SETD1B: variants seen among roughly 807,000 people sequenced by gnomAD.
The protein encoded by SETD1B is histone-lysine N-methyltransferase SETD1B.
Under a neutral mutation model 148.0 loss-of-function variants are expected in SETD1B, and 7 were observed. That is an observed-to-expected ratio of 0.05 (90% CI 0.03 to 0.09). The LOEUF (loss-of-function observed/expected upper bound fraction) is 0.09, where lower values mean the gene tolerates loss of function less well. SETD1B is among the 10% of genes least tolerant of loss of function. SETD1B has a pLI of 1.00. For missense variants in SETD1B, 2,155 were observed against 2,729.9 expected (o/e 0.79, Z 4.69); for synonymous variants, 1,361 against 1,186.5 (o/e 1.15, Z -3.02).
chr12:121,798,334 A>C, the SETD1B span, among the ~76,000 whole-genome samples: 2 of 152,244 alleles, frequency 1.3e-5, no homozygotes, highest in Admixed American at 6.5e-5. Context: ...CCGCCTTCCC[A>C]GGGAGCGCCA....
In SETD1B at chr12:121,808,881, AT is replaced by A. The variant is rs1945045141; in HGVS notation, c.657+568del. 6.6e-6 allele frequency among the ~76,000 whole-genome samples: 1 copy of A among 151,522 alleles called. No individual in the cohort carries two copies. The highest frequency in any genetic ancestry group is 1.5e-5 in the Non-Finnish European group (1 of 67,858). On this transcript the variant is annotated intron_variant, in intron 5 of 16. Coordinates refer to ENST00000604567, the MANE Select transcript of SETD1B (RefSeq NM_001353345.2). This position sits in a 1 kb window ranked among gnomAD's most constrained non-coding sequence, Gnocchi z 5.3. ...TCATCACTTTTTTTTTGTTTTATTT[AT>A]TTTTTTGAGACAGAGTCTCAGTCTG...
chr12:121,811,034 A>G (rs545853441), intron 6 of SETD1B, among the ~76,000 whole-genome samples, 199 bp downstream of exon 6: 8 of 152,340 alleles, frequency 5.3e-5, no homozygotes, highest in South Asian at 2.1e-4. Context: ...TGGTTTGGCA[A>G]TGAGCTCCCT....
chr12:121,814,776 A>G lies in SETD1B; in HGVS notation c.2561A>G (p.Glu854Gly). 5.2e-6 allele frequency: 8 copies of G among 1,551,488 alleles called. No homozygotes were observed. Among genetic ancestry groups the G allele is most frequent in the Non-Finnish European group, 7.0e-6 (8 of 1,146,994 alleles). ...VPPPGYMPRQ[E>G]DPHKATVDGV... ...CCACCAGGCTACATGCCACGCCAGG[A>G]GGACCCACACAAAGCCACGGTGGAT... The change falls in exon 7 of 17, where the codon GAG becomes GGG. Residue 854 changes from glutamate to glycine, a missense_variant. By Grantham distance (98) the Glu-to-Gly change is moderately conservative. This residue lies in a region of SETD1B where 289 missense variants were observed against 423.7 expected (regional missense o/e 0.68). Transcript: ENST00000604567.
At chr12:121,807,663 G>A (rs1026127393) in intron 4 of SETD1B, among the ~76,000 whole-genome samples, 5 of 152,042 alleles carry the variant, frequency 3.3e-5, no homozygotes, top group African/African-American at 1.2e-4. Context: ...GGGGTGGAGG[G>A]TTCAAGCCCA....
chr12:121,815,320 C>T (rs1008760628), intron 7 of SETD1B, among the ~76,000 whole-genome samples: 10 of 152,136 alleles, frequency 6.6e-5, no homozygotes, highest in Admixed American at 5.2e-4. Flanking sequence ...TAAAACTCCT[C>T]CTTTGTACAT....
chr12:121,814,254 C>A lies in SETD1B; in HGVS notation c.2039C>A (p.Pro680Gln). The A allele has an allele frequency of 2.7e-6, 4 of 1,496,018 alleles. No homozygotes were observed. Among genetic ancestry groups the A allele is most frequent in the Non-Finnish European group, 3.6e-6 (4 of 1,123,002 alleles). 92.7% of individuals were successfully genotyped at this position (1,496,018 alleles called of 1,614,324 possible). ...AAPSVLAPTLPLPPPPGFPPL... is the reference protein window; with the variant it reads ...AAPSVLAPTLQLPPPPGFPPL... ...CCTTCTGTGCTAGCCCCAACCCTGC[C>A]GCTGCCCCCGCCACCTGGCTTCCCC... The change falls in exon 7 of 17, where the codon CCG becomes CAG. Residue 680 changes from proline (P) to glutamine (Q), a missense_variant. Pro to Gln is a moderately conservative substitution (Grantham distance 76). This residue lies in a region of SETD1B where 295 missense variants were observed against 303.8 expected (regional missense o/e 0.97). Coordinates refer to ENST00000604567, the MANE Select transcript of SETD1B (RefSeq NM_001353345.2).
At chr12:121,803,017 C>CTGATTGG (rs1875471914), upstream of SETD1B, 1 of 152,068 alleles carries the variant, frequency 6.6e-6, no homozygotes, top group African/African-American at 2.4e-5. The surrounding 1 kb of genome is among the most constrained non-coding windows in gnomAD (Gnocchi z 4.7). Context: ...GCTGCCGCGC[C>CTGATTGG]CTGCCGCCCT....
At chr12:121,816,536 C>T (rs1352407353) in intron 7 of SETD1B, among the ~76,000 whole-genome samples, 1 of 152,226 alleles carries the variant, frequency 6.6e-6, no homozygotes, top group Non-Finnish European at 1.5e-5. Context: ...CCTCATGTGC[C>T]CTGCACCTTG....
upstream of SETD1B, chr12:121,799,490 GCA>G (rs1491205685): frequency 6.6e-6 from 1 of 152,272 alleles, no homozygotes; most frequent in Non-Finnish European, 1.5e-5. Context: ...GAAGGCCACA[GCA>G]CAGTTGGGCT....
At position 121,808,388 on chromosome 12, in the gene SETD1B, TCAC is replaced by T; in HGVS notation, c.657+71_657+73del. The stretch of plus-strand genomic sequence containing the variant: ...ATGTGCCCCCCACCTCTGGAAAGCC[TCAC>T]CAACTCTCTTATGGGACCCCCAGCC... On this transcript the variant is annotated intron_variant, in intron 5 of 16. Transcript: ENST00000604567. This position sits in a 1 kb window ranked among gnomAD's most constrained non-coding sequence, Gnocchi z 5.3. 9.5e-7 allele frequency: 1 copy of T among 1,048,070 alleles called. No individual in the cohort carries two copies. 64.9% of individuals were successfully genotyped at this position (1,048,070 alleles called of 1,614,324 possible).
Position 121,823,119 on chromosome 12 carries a change from C to T in SETD1B, c.4540C>T (p.Pro1514Ser). The T allele has an allele frequency of 6.5e-7, 1 of 1,535,530 alleles. No individual in the cohort carries two copies. Among genetic ancestry groups the T allele is most frequent in the Non-Finnish European group, 8.7e-7 (1 of 1,145,482 alleles). The change falls in exon 12 of 17, where the codon CCA (proline) becomes TCA (serine). Residue 1514 changes from proline (P) to serine (S), a missense_variant. Transcript: ENST00000604567. The stretch of plus-strand genomic sequence containing the variant: ...CGCCCCCCTGGCCTCTTGCCCTCCC[C>T]CAATGAAGAGGAAGCCGGGCCGGCC... ...LPAPLASCPP[P>S]MKRKPGRPRR...
chr12:121,793,765 G>C, the SETD1B span: 1 of 764,628 alleles, frequency 1.3e-6, no homozygotes, highest in South Asian at 2.3e-5. Flanking sequence ...CCTCCCGGCC[G>C]ACCTCCCAGC....
At position 121,810,812 on chromosome 12, in the gene SETD1B, C is replaced by A. The variant is rs1198409188; in HGVS notation, c.1867C>A (p.Pro623Thr). The A allele has an allele frequency of 6.6e-7, 1 of 1,519,006 alleles. No individual in the cohort carries two copies. The highest frequency in any genetic ancestry group is 8.9e-7 in the Non-Finnish European group (1 of 1,127,088). 94.1% of individuals were successfully genotyped at this position (1,519,006 alleles called of 1,614,324 possible). The change falls in exon 6 of 17, where the codon CCG becomes ACG. Residue 623 changes from proline (P) to threonine (T), a missense_variant. Transcript: ENST00000604567. The surrounding 1 kb of genome is among the most constrained non-coding windows in gnomAD (Gnocchi z 7.6). Reference protein sequence around the residue: ...VALDLVGDRTPTSEKMDEGQQ... With the variant: ...VALDLVGDRTTTSEKMDEGQQ... The stretch of plus-strand genomic sequence containing the variant: ...CTTGGACCTGGTTGGAGACAGAACC[C>A]CGACCTCAGAGAAGATGGATGAGGT...
chr12:121,790,486 G>A, the SETD1B span, among the ~76,000 whole-genome samples: 2 of 152,152 alleles, frequency 1.3e-5, no homozygotes, highest in African/African-American at 4.8e-5. Flanking sequence ...AATCATCTCC[G>A]GCATTCGGAT....
At chr12:121,800,602 CT>C (rs1338914322), upstream of SETD1B, 1 of 151,244 alleles carries the variant, frequency 6.6e-6, no homozygotes, top group African/African-American at 2.4e-5. Flanking sequence ...GCGAGGCCTC[CT>C]GGTGCCCGCG....
chr12:121,801,302 G>A (rs1309179549), upstream of SETD1B: 1 of 152,290 alleles, frequency 6.6e-6, no homozygotes, highest in Non-Finnish European at 1.5e-5. Context: ...GTTCAGACCT[G>A]GGAAGAGCGA....
Position 121,822,958 on chromosome 12 carries a change from G to A in SETD1B, c.4379G>A (p.Gly1460Glu), listed in dbSNP as rs917027950. Reference protein sequence around the residue: ...LPTGRRDERSGPLASPVLLET... With the variant: ...LPTGRRDERSEPLASPVLLET... ...ACTGGCCGACGCGATGAACGCTCCG[G>A]GCCCCTGGCCTCCCCGGTGCTCCTG... The change falls in exon 12 of 17, where the codon GGG becomes GAG. Residue 1460 changes from glycine to glutamate, a missense_variant. By Grantham distance (98) the Gly-to-Glu change is moderately conservative. Coordinates refer to ENST00000604567, the MANE Select transcript of SETD1B (RefSeq NM_001353345.2). 1.9e-6 allele frequency: 3 copies of A among 1,538,530 alleles called. No individual in the cohort carries two copies. The highest frequency in any genetic ancestry group is 4.0e-5 in the Admixed American group (2 of 50,290).
In SETD1B at chr12:121,805,224, C is replaced by T. The variant is rs1875669910; in HGVS notation, c.273+8C>T. On this transcript the variant is annotated splice_region_variant and intron_variant, in intron 3 of 16. Coordinates refer to ENST00000604567, the MANE Select transcript of SETD1B (RefSeq NM_001353345.2). This position sits in a 1 kb window ranked among gnomAD's most constrained non-coding sequence, Gnocchi z 4.2. The stretch of plus-strand genomic sequence containing the variant: ...TCGGTGCCCAAATTCAAGGTAGGAC[C>T]CCTCCCCACTGCCCCGCCGTCCCTC... 7.8e-6 allele frequency: 12 copies of T among 1,546,924 alleles called. No homozygotes were observed. The South Asian group carries it at 8.3e-5, about 11-fold the overall frequency.
At chr12:121,812,806 A>G (rs924235755) in intron 6 of SETD1B, among the ~76,000 whole-genome samples, 3 of 151,924 alleles carry the variant, frequency 2.0e-5, no homozygotes, top group Admixed American at 6.6e-5. Flanking sequence ...GGGACCTGGT[A>G]AAGTCCAGAG....
Sources: allele counts gnomAD v4.1 joint callset (sites outside exome capture counted in the v4.1 genomes callset), GRCh38; gene constraint gnomAD v4.1.1; regional missense constraint gnomAD v4.1.1; non-coding constraint Gnocchi (gnomAD v3.1); transcripts MANE v1.5; gene names NCBI Gene and HGNC (gene_info 2026-07-23, HGNC 2026-07-21).